RIMS2: variants seen among roughly 807,000 people sequenced by gnomAD.
RIMS2 encodes regulating synaptic membrane exocytosis 2, also known as regulating synaptic membrane exocytosis protein 2.
In RIMS2, 59 loss-of-function variants were observed where a neutral mutation model predicts 174.4. The observed-to-expected ratio is 0.34, with a 90% CI of 0.27 to 0.42. The LOEUF (loss-of-function observed/expected upper bound fraction) is 0.42. Among genes scored for constraint, RIMS2 ranks in the 10% least tolerant of loss-of-function variants. The probability of loss-of-function intolerance (pLI) is 1.00; values close to 1 mark genes in which losing one functional copy is unlikely to be tolerated. For missense variants in RIMS2, 1,620 were observed against 1,666.3 expected, an observed-to-expected ratio of 0.97 and a Z score of 0.48; for synonymous variants, 606 against 572.5, an observed-to-expected ratio of 1.06 and a Z score of -0.84.
In RIMS2 at chr8:103,538,116, T is replaced by C. The variant is rs141815340; in HGVS notation, c.176+37054T>C. ...CTCTCCTATGGTCTTTAAAATGGCA[T>C]ATATGTATACATATATGGCATAGTT... On this transcript the variant is annotated intron_variant, in intron 1 of 23. Transcript: ENST00000504942. Among the ~76,000 whole-genome samples the C allele has an allele frequency of 5.5e-3, 844 of 152,246 alleles. 4 individuals are homozygous for C. The highest frequency in any genetic ancestry group is 0.019 in the African/African-American group (793 of 41,548).
At chr8:103,557,242 C>T (rs1347289526) in intron 1 of RIMS2, among the ~76,000 whole-genome samples, 1 of 152,152 alleles carries the variant, frequency 6.6e-6, no homozygotes, top group Non-Finnish European at 1.5e-5. Context: ...AATATAATCT[C>T]CATTCTGTCT....
At chr8:103,746,305 T>A (rs1476645114) in intron 2 of RIMS2, among the ~76,000 whole-genome samples, 2 of 151,810 alleles carry the variant, frequency 1.3e-5, no homozygotes, top group Non-Finnish European at 2.9e-5. Flanking sequence ...GACCTGTATG[T>A]CTATCCTTAT....
intron 19 of RIMS2, among the ~76,000 whole-genome samples, chr8:104,141,829 T>C (rs1005522170): frequency 6.6e-6 from 1 of 152,192 alleles, no homozygotes. Context: ...AATTGTCTCC[T>C]CTTCAGAGAG....
Position 104,229,660 on chromosome 8 carries a change from C to G in RIMS2, c.3335-15256C>G, listed in dbSNP as rs563083697. ...TCTCGGCAGCTAGCTCTCTCCCTTG[C>G]TCTATTACCCAGACCATGTGGCCTA... is the stretch of plus-strand genomic sequence containing the variant. On this transcript the variant is annotated intron_variant, in intron 19 of 23. Coordinates refer to ENST00000504942, the Ensembl canonical transcript of RIMS2. 3.3e-5 allele frequency among the ~76,000 whole-genome samples: 5 copies of G among 152,108 alleles called. 1 individual carries two copies. The highest frequency in any genetic ancestry group is 5.9e-5 in the Non-Finnish European group (4 of 68,022).
intron 15 of RIMS2, 135 bp from the exon 18 acceptor site, chr8:103,975,215 T>G: frequency 2.0e-6 from 1 of 506,670 alleles, no homozygotes; most frequent in South Asian, 3.9e-5. Context: ...TATCATGGTT[T>G]ATTCACTATA....
At chr8:103,933,513 A>C (rs752812904) in intron 12 of RIMS2, among the ~76,000 whole-genome samples, 2 of 152,162 alleles carry the variant, frequency 1.3e-5, no homozygotes, top group Non-Finnish European at 2.9e-5. Context: ...GTAAAAGATG[A>C]AATGGAAGCT....
chr8:103,936,065 T>C (rs2081179543), intron 12 of RIMS2, among the ~76,000 whole-genome samples: 1 of 152,164 alleles, frequency 6.6e-6, no homozygotes, highest in Admixed American at 6.5e-5. Context: ...AAAGTATCTT[T>C]ATAAAAAATA....
intron 19 of RIMS2, among the ~76,000 whole-genome samples, chr8:104,118,246 T>C (rs962178111): frequency 6.6e-6 from 1 of 152,106 alleles, no homozygotes; most frequent in African/African-American, 2.4e-5. Context: ...GAAGAACTTA[T>C]AAGAAGTATA....
intron 1 of RIMS2, among the ~76,000 whole-genome samples, chr8:103,503,202 A>T (rs1391966388): frequency 1.3e-5 from 2 of 151,974 alleles, no homozygotes; most frequent in Non-Finnish European, 2.9e-5. Flanking sequence ...AATGGCTTTC[A>T]TGGTTTCACA....
intron 19 of RIMS2, among the ~76,000 whole-genome samples, chr8:104,166,368 G>T (rs1395883685): frequency 1.3e-5 from 2 of 151,978 alleles, no homozygotes; most frequent in Non-Finnish European, 2.9e-5. Context: ...GCCCGGCCTG[G>T]ATGACTTCTT....
intron 1 of RIMS2, among the ~76,000 whole-genome samples, chr8:103,589,671 A>T (rs1173592348): frequency 6.6e-6 from 1 of 151,632 alleles, no homozygotes; most frequent in East Asian, 1.9e-4. Flanking sequence ...TAAGATTTGG[A>T]AGCAACCTAA....
At chr8:103,805,297 A>C (rs78250514) in intron 3 of RIMS2, among the ~76,000 whole-genome samples, 2,680 of 152,240 alleles carry the variant, frequency 0.018, 38 homozygotes, top group Non-Finnish European at 0.028. Flanking sequence ...CACTATTGTC[A>C]TAAGATTTGG....
intron 19 of RIMS2, among the ~76,000 whole-genome samples, chr8:104,075,416 A>T (rs1219814336): frequency 6.6e-6 from 1 of 152,230 alleles, no homozygotes. Context: ...TTTCAAAAAA[A>T]TGCCTGCTAG....
intron 1 of RIMS2, among the ~76,000 whole-genome samples, chr8:103,661,644 C>T (rs1437280750): frequency 6.6e-6 from 1 of 152,102 alleles, no homozygotes; most frequent in Non-Finnish European, 1.5e-5. Context: ...GCTGGGATTA[C>T]AGGCACACGC....
intron 6 of RIMS2, among the ~76,000 whole-genome samples, chr8:103,914,991 G>A (rs1428909040): frequency 6.6e-6 from 1 of 151,792 alleles, no homozygotes; most frequent in Non-Finnish European, 1.5e-5. Context: ...CTTCTGATGC[G>A]ATTACGTAAA....
At chr8:104,198,892 T>C (rs983392253) in intron 19 of RIMS2, among the ~76,000 whole-genome samples, 2 of 152,162 alleles carry the variant, frequency 1.3e-5, no homozygotes, top group Non-Finnish European at 2.9e-5. Context: ...CACAAATTTA[T>C]TTAATACAAG....
rs538871000 is a variant in RIMS2, at chr8:104,092,602, A to AT, written c.3334+77996dup. ...CTTGCAAAAAAAGATATTATTATCC[A>AT]TTTTTTTTTAAGAAGCCTTTTACAG... On this transcript the variant is annotated intron_variant, in intron 19 of 23. Transcript: ENST00000504942. Among the ~76,000 whole-genome samples the AT allele has an allele frequency of 9.8e-3, 1,472 of 150,918 alleles. 22 individuals carry two copies. Among genetic ancestry groups the AT allele is most frequent in the African/African-American group, 0.033 (1,363 of 41,200 alleles).
intron 4 of RIMS2, among the ~76,000 whole-genome samples, chr8:103,893,547 G>T (rs1436370980): frequency 6.6e-6 from 1 of 151,974 alleles, no homozygotes; most frequent in South Asian, 2.1e-4. Flanking sequence ...GATAAACTAT[G>T]GTTTGTGGGC....
chr8:103,870,811 T>C (rs1399891536), intron 3 of RIMS2, among the ~76,000 whole-genome samples: 1 of 152,212 alleles, frequency 6.6e-6, no homozygotes, highest in Non-Finnish European at 1.5e-5. Context: ...AATAATCCAA[T>C]TGATCTTTAT....
Sources: allele counts gnomAD v4.1 joint callset (sites outside exome capture counted in the v4.1 genomes callset), GRCh38; gene constraint gnomAD v4.1.1; transcripts MANE v1.5; gene names NCBI Gene and HGNC (gene_info 2026-07-23, HGNC 2026-07-21).